The following HDHD5 variants were observed in gnomAD, a reference collection of about 807,000 sequenced individuals.
HDHD5 encodes the protein haloacid dehalogenase-like hydrolase domain-containing 5.
Under a neutral mutation model 35.5 loss-of-function variants are expected in HDHD5, and 34 were observed. That is an observed-to-expected ratio of 0.96 (90% CI 0.73 to 1.28). The LOEUF is 1.28. HDHD5 is among the 50% of genes most tolerant of loss of function. The probability of loss-of-function intolerance (pLI) is 0.00; values close to 1 mark genes in which losing one functional copy is unlikely to be tolerated. For synonymous variants in HDHD5, 248 were observed against 240.6 expected (o/e 1.03, Z -0.29); for missense variants, 589 against 560.2 (o/e 1.05, Z -0.52).
At chr22:17,160,662 A>G (rs1006982445), upstream of HDHD5, among the ~76,000 whole-genome samples, 1 of 143,252 alleles carries the variant, frequency 7.0e-6, no homozygotes, top group Non-Finnish European at 1.6e-5. Context: ...AAAAAAAAAA[A>G]TAATAATAAT....
upstream of HDHD5, among the ~76,000 whole-genome samples, chr22:17,160,054 G>C (rs2061852143): frequency 6.6e-6 from 1 of 152,250 alleles, no homozygotes; most frequent in Non-Finnish European, 1.5e-5. Context: ...GGGAGATTCT[G>C]CTGGAGGAAA....
At chr22:17,155,373 G>C (rs564877342) in intron 1 of HDHD5, among the ~76,000 whole-genome samples, 1 of 151,760 alleles carries the variant, frequency 6.6e-6, no homozygotes, top group Non-Finnish European at 1.5e-5. Context: ...AGCCTCCCAA[G>C]TAGCTGGGAC....
In HDHD5 at chr22:17,149,570, T is replaced by C; in HGVS notation, c.302A>G (p.Gln101Arg). The change falls in exon 2 of 8, where the codon CAG becomes CGG. Residue 101 changes from glutamine (Q) to arginine (R), a missense_variant. Gln to Arg is a conservative substitution (Grantham distance 43, BLOSUM62 1). Coordinates refer to ENST00000336737, the MANE Select transcript of HDHD5 (RefSeq NM_033070.3). ...AGNILQHSKA[Q>R]ELSALLGCEV... ...GCACCCCAGCAGGGCTGACAGCTCC[T>C]GGGCTTTGCTGTGTTGTAAGATGTT... is the stretch of plus-strand genomic sequence containing the variant. The C allele has an allele frequency of 6.2e-7, 1 of 1,612,558 alleles. No individual in the cohort carries two copies. Among genetic ancestry groups the C allele is most frequent in the Non-Finnish European group, 8.5e-7 (1 of 1,180,012 alleles).
At position 17,137,673 on chromosome 22, in the gene HDHD5, AGACATCC is replaced by A; in HGVS notation, c.*341_*347del. 1 of 242,552 alleles carries A rather than the reference AGACATCC, an allele frequency of 4.1e-6. No homozygotes were observed. Among genetic ancestry groups the A allele is most frequent in the Admixed American group, 5.1e-5 (1 of 19,652 alleles). 15.0% of individuals were successfully genotyped at this position (242,552 alleles called of 1,614,324 possible). Reference sequence around the variant, plus strand: ...TTCAGTGCCGGCAAAGGCTCTGCACAGACATCCACAGTATTCCACACTGCCTCCCCCA... The same window carrying A: ...TTCAGTGCCGGCAAAGGCTCTGCACAACAGTATTCCACACTGCCTCCCCCA... On this transcript the variant is annotated 3_prime_UTR_variant, in exon 8 of 8. Transcript: ENST00000336737.
chr22:17,152,609 C>T lies in HDHD5; in HGVS notation c.127-2864G>A, dbSNP rs571982371. Among the ~76,000 whole-genome samples, 40 of 152,288 alleles carry T rather than the reference C, an allele frequency of 2.6e-4. No individual in the cohort carries two copies. The East Asian group carries it at 5.8e-3, about 22-fold the overall frequency. ...GACCTGGGAGACAGGCAAGTGGAGA[C>T]ATCAGCACTGGACAGGTCCTGGAGA... is the stretch of plus-strand genomic sequence containing the variant. On this transcript the variant is annotated intron_variant, in intron 1 of 7. Transcript: ENST00000336737.
chr22:17,138,008 C>T lies in HDHD5; in HGVS notation c.*13G>A. On this transcript the variant is annotated 3_prime_UTR_variant, in exon 8 of 8. Transcript: ENST00000336737. Reference sequence around the variant, plus strand: ...AGGTCCAGGCTCACCCCCTCACCTCCACCGCACTGCCCTCACTCCAAAGCC... The same window carrying T: ...AGGTCCAGGCTCACCCCCTCACCTCTACCGCACTGCCCTCACTCCAAAGCC... 1.3e-6 allele frequency: 2 copies of T among 1,599,720 alleles called. No individual in the cohort carries two copies. The highest frequency in any genetic ancestry group is 1.7e-6 in the Non-Finnish European group (2 of 1,169,960).
rs779244919 is a variant in HDHD5 at position 17,157,076 on chromosome 22, T to TCACACACACACACACACACA, written c.126+2049_126+2050insTGTGTGTGTGTGTGTGTGTG. Among the ~76,000 whole-genome samples, 168 of 56,144 alleles carry TCACACACACACACACACACA rather than the reference T, an allele frequency of 3.0e-3. 2 individuals carry two copies. The highest frequency in any genetic ancestry group is 9.3e-3 in the Admixed American group (54 of 5,786). The allele number at this position is 56,144 out of a possible 152,430, so 36.8% of individuals were successfully genotyped here. A position where few individuals can be genotyped will look rare whatever the true frequency, so the allele number is the denominator to read the frequency against. On this transcript the variant is annotated intron_variant, in intron 1 of 7. Transcript: ENST00000336737. ...CCGGGCAACAGAGCTAGACACCGTC[T>TCACACACACACACACACACA]CACACACATACACACACACACACAC...
chr22:17,137,642 C>A lies in HDHD5; in HGVS notation c.*379G>T. 1 of 194,406 alleles carries A rather than the reference C, an allele frequency of 5.1e-6. No homozygotes were observed. The highest frequency in any genetic ancestry group is 1.0e-5 in the Non-Finnish European group (1 of 95,848). The allele number at this position is 194,406 out of a possible 1,614,324, so 12.0% of individuals were successfully genotyped here. Reference sequence around the variant, plus strand: ...GTTAAGACACTCTGCCGACAGGCTGCATGCCTTCAGTGCCGGCAAAGGCTC... The same window carrying A: ...GTTAAGACACTCTGCCGACAGGCTGAATGCCTTCAGTGCCGGCAAAGGCTC... On this transcript the variant is annotated 3_prime_UTR_variant, in exon 8 of 8. Coordinates refer to ENST00000336737, the MANE Select transcript of HDHD5 (RefSeq NM_033070.3).
intron 1 of HDHD5, among the ~76,000 whole-genome samples, chr22:17,156,639 G>T (rs1270327482): frequency 2.6e-5 from 4 of 152,096 alleles, no homozygotes; most frequent in East Asian, 1.9e-4. Context: ...AGCCAGGCGT[G>T]GTGGCAGGCA....
chr22:17,149,441 GATTCC>G (rs1267561250), intron 2 of HDHD5, 96 bp downstream of exon 2: 2 of 1,114,400 alleles, frequency 1.8e-6, no homozygotes, highest in African/African-American at 3.1e-5. Context: ...AGGACTAGGT[GATTCC>G]ATATCCCAAC....
At chr22:17,159,287 C>CA (rs1491488675), upstream of HDHD5, 47 of 192,542 alleles carry the variant, frequency 2.4e-4, no homozygotes, top group Middle Eastern at 1.8e-3. Context: ...CGGCGTGCGG[C>CA]CCCCCCCCCC....
intron 1 of HDHD5, chr22:17,165,138 C>T (rs1022686966): frequency 9.5e-6 from 7 of 735,908 alleles, no homozygotes; most frequent in Non-Finnish European, 1.5e-5. Flanking sequence ...GTCATGTTTC[C>T]CTGAAAATGG....
chr22:17,159,965 C>T (rs79677339), upstream of HDHD5: 3,894 of 159,710 alleles, frequency 0.024, 177 homozygotes, highest in African/African-American at 0.088. Flanking sequence ...GGATTTCGGT[C>T]ACTGAAAGTG....
At chr22:17,157,076 TCACA>T (rs779244919) in intron 1 of HDHD5, among the ~76,000 whole-genome samples, 1 of 56,114 alleles carries the variant, frequency 1.8e-5, no homozygotes, top group African/African-American at 7.6e-5. Flanking sequence ...AGACACCGTC[TCACA>T]CACATACACA....
chr22:17,155,459 C>A (rs1341503085), intron 1 of HDHD5, among the ~76,000 whole-genome samples: 1 of 152,098 alleles, frequency 6.6e-6, no homozygotes, highest in Non-Finnish European at 1.5e-5. Context: ...ATTGGCCAGG[C>A]TGGTCTCAAA....
chr22:17,159,295 C>CA (rs936274893), upstream of HDHD5: 1 of 1,236,872 alleles, frequency 8.1e-7, no homozygotes, highest in African/African-American at 1.7e-5. Flanking sequence ...GGCCCCCCCC[C>CA]CCCGCGAGTC....
chr22:17,155,384 T>G (rs1232302355), intron 1 of HDHD5, among the ~76,000 whole-genome samples: 1 of 152,090 alleles, frequency 6.6e-6, no homozygotes, highest in African/African-American at 2.4e-5. Flanking sequence ...TAGCTGGGAC[T>G]ACAGACGCGC....
chr22:17,144,499 T>A (rs938531526), intron 4 of HDHD5, among the ~76,000 whole-genome samples: 2 of 149,900 alleles, frequency 1.3e-5, no homozygotes, highest in African/African-American at 4.9e-5. Context: ...CTGCAACCTC[T>A]GCCTCCCAGG....
intron 6 of HDHD5, among the ~76,000 whole-genome samples, chr22:17,140,756 T>A (rs1486010148): frequency 6.6e-6 from 1 of 152,166 alleles, no homozygotes; most frequent in Non-Finnish European, 1.5e-5. Flanking sequence ...TGCCCACGGT[T>A]TGGGATCCAC....
Sources: gnomAD v4.1 joint callset for allele counts (sites outside exome capture counted in the v4.1 genomes callset) on GRCh38, gnomAD v4.1.1 for gene constraint, MANE v1.5 for transcripts, NCBI Gene and HGNC (gene_info 2026-07-23, HGNC 2026-07-21) for gene names.